The following MRPL21 variants were observed in gnomAD, a reference collection of about 807,000 sequenced individuals.
MRPL21 encodes the protein mitochondrial ribosomal protein L21, also known as large ribosomal subunit protein bL21m.
In MRPL21, 20 loss-of-function variants were observed where a neutral mutation model predicts 27.3. The ratio of observed to expected loss-of-function variants is 0.73; its 90% CI spans 0.52 to 1.06. MRPL21 has a LOEUF of 1.06. Among genes scored for constraint, MRPL21 ranks in the 50% least tolerant of loss-of-function variants. The pLI is 0.00. For synonymous variants in MRPL21, 98 were observed against 101.5 expected (o/e 0.97, Z 0.21); for missense variants, 249 against 251.4 (o/e 0.99, Z 0.06).
At chr11:68,892,815 C>G in intron 6 of MRPL21, 75 bp downstream of exon 6, 1 of 1,568,262 alleles carries the variant, frequency 6.4e-7, no homozygotes, top group Non-Finnish European at 8.7e-7. Flanking sequence ...CCCACGTGCC[C>G]CACACCCTCC....
intron 1 of MRPL21, 134 bp downstream of exon 1, chr11:68,903,589 A>C: frequency 1.1e-6 from 1 of 908,480 alleles, no homozygotes; most frequent in Non-Finnish European, 1.7e-6. Context: ...CCCGACTCCA[A>C]AACCCGTGCT....
rs565508127 is a variant in MRPL21 at position 68,891,325 on chromosome 11, C to T, written c.*6G>A. 3.1e-5 allele frequency: 50 copies of T among 1,613,578 alleles called. No homozygotes were observed. In the Admixed American group the frequency reaches 5.3e-4, roughly 17 times the overall value. ...TTTTATCCTTTTGTAAGTATTAACT[C>T]GGTAATCACAACAAACACGGAGCAA... On this transcript the variant is annotated 3_prime_UTR_variant, in exon 7 of 7. Coordinates refer to ENST00000362034, the MANE Select transcript of MRPL21 (RefSeq NM_181514.2).
At chr11:68,899,802 C>T (rs1857889831) in intron 2 of MRPL21, among the ~76,000 whole-genome samples, 1 of 152,232 alleles carries the variant, frequency 6.6e-6, no homozygotes, top group African/African-American at 2.4e-5. Context: ...TCCCTGGAGT[C>T]CCAGCAGCAG....
chr11:68,891,404 A>T lies in MRPL21; in HGVS notation c.554-9T>A. On this transcript the variant is annotated splice_polypyrimidine_tract_variant and intron_variant, in intron 6 of 6. Coordinates refer to ENST00000362034, the MANE Select transcript of MRPL21 (RefSeq NM_181514.2). ...CTGCGGGGTCGTGACGACTGAAAGA[A>T]AGGATGTCACAGGCTTGACCACAGA... 1 of 1,613,918 alleles carries T rather than the reference A, an allele frequency of 6.2e-7. No homozygotes were observed. Among genetic ancestry groups the T allele is most frequent in the Non-Finnish European group, 8.5e-7 (1 of 1,179,936 alleles).
At chr11:68,898,448 C>A (rs1241378814) in intron 2 of MRPL21, among the ~76,000 whole-genome samples, 1 of 152,242 alleles carries the variant, frequency 6.6e-6, no homozygotes, top group Non-Finnish European at 1.5e-5. Flanking sequence ...TCCAATGACC[C>A]TTCACCACAT....
At chr11:68,901,212 G>A (rs953853117) in intron 1 of MRPL21, among the ~76,000 whole-genome samples, 7 of 152,210 alleles carry the variant, frequency 4.6e-5, no homozygotes, top group East Asian at 1.9e-4. Context: ...AGCCGCTGGC[G>A]CAGTGGAGTC....
In MRPL21 at chr11:68,892,962, T is replaced by C. The variant is rs1360218197; in HGVS notation, c.481A>G (p.Ile161Val). 1 of 1,610,172 alleles carries C rather than the reference T, an allele frequency of 6.2e-7. No individual in the cohort carries two copies. The highest frequency in any genetic ancestry group is 8.5e-7 in the Non-Finnish European group (1 of 1,178,116). ...KDLVRVEATV[I>V]EKTESWPRII... ...CTTGGCCATGATTCTGTCTTTTCAA[T>C]GACTGTGGCTTCTACTCGAACAAGA... The change falls in exon 6 of 7, where the codon ATT (isoleucine) becomes GTT (valine). Residue 161 changes from isoleucine (I) to valine (V), a missense_variant. Transcript: ENST00000362034.
Position 68,896,637 on chromosome 11 carries a change from A to G in MRPL21, c.274T>C (p.Tyr92His). 1 of 1,614,114 alleles carries G rather than the reference A, an allele frequency of 6.2e-7. No individual in the cohort carries two copies. The highest frequency in any genetic ancestry group is 1.1e-5 in the South Asian group (1 of 91,066). Reference sequence around the variant, plus strand: ...TGCACCACGGCAAAGAGCCTGCCATACTGCCCCGTGACGATCATCTCATTC... The same window carrying G: ...TGCACCACGGCAAAGAGCCTGCCATGCTGCCCCGTGACGATCATCTCATTC... ...KVNEMIVTGQ[Y>H]GRLFAVVHFA... Residue 92 changes from tyrosine (Y) to histidine (H), a missense_variant, in exon 4 of 7, where the codon TAT becomes CAT. Transcript: ENST00000362034.
Position 68,900,612 on chromosome 11 carries a change from G to T in MRPL21, c.89-7C>A. The T allele has an allele frequency of 6.2e-7, 1 of 1,611,354 alleles. No individual in the cohort carries two copies. Among genetic ancestry groups the T allele is most frequent in the Non-Finnish European group, 8.5e-7 (1 of 1,177,528 alleles). On this transcript the variant is annotated splice_polypyrimidine_tract_variant and splice_region_variant and intron_variant, in intron 1 of 6. Transcript: ENST00000362034. ...GAAGCAGACCAAAGGGAGGCTGAGG[G>T]AAGAAGAGAAACACAGATCATTACC... is the stretch of plus-strand genomic sequence containing the variant.
intron 3 of MRPL21, among the ~76,000 whole-genome samples, chr11:68,897,328 G>C (rs1177931681): frequency 6.6e-6 from 1 of 152,194 alleles, no homozygotes; most frequent in Non-Finnish European, 1.5e-5. Context: ...ACACAGAAGG[G>C]ACGACAGAGT....
At chr11:68,903,495 AC>A (rs1405279146) in intron 1 of MRPL21, among the ~76,000 whole-genome samples, 1 of 152,146 alleles carries the variant, frequency 6.6e-6, no homozygotes, top group African/African-American at 2.4e-5. Flanking sequence ...CTCCCCCATA[AC>A]ATAGGGCCTA....
intron 5 of MRPL21, 139 bp downstream of exon 5, chr11:68,893,264 T>C (rs2154005481): frequency 6.7e-7 from 1 of 1,485,646 alleles, no homozygotes; most frequent in Non-Finnish European, 9.0e-7. Flanking sequence ...ATGTCCACTA[T>C]TATTAAGTAT....
intron 3 of MRPL21, chr11:68,897,707 CT>C (rs1196227269): frequency 1.8e-6 from 1 of 567,172 alleles, no homozygotes; most frequent in Non-Finnish European, 3.1e-6. Context: ...ATTATGCCAC[CT>C]GCCTGCAGTG....
At chr11:68,902,353 C>T (rs1465122853) in intron 1 of MRPL21, among the ~76,000 whole-genome samples, 9 of 152,224 alleles carry the variant, frequency 5.9e-5, no homozygotes, top group Non-Finnish European at 8.8e-5. Flanking sequence ...AAATGTCAAG[C>T]ATACAAAAGT....
At position 68,903,791 on chromosome 11, in the gene MRPL21, G is replaced by C. The variant is rs553560241; in HGVS notation, c.20C>G (p.Thr7Arg). MAASSL[T>R]VTLGRLASAC... Reference sequence around the variant, plus strand: ...GGACGCCAGCCGCCCTAAGGTGACCGTCAGGGAAGATGCTGCCATGGCCGC... The same window carrying C: ...GGACGCCAGCCGCCCTAAGGTGACCCTCAGGGAAGATGCTGCCATGGCCGC... The change falls in exon 1 of 7, where the codon ACG becomes AGG. Residue 7 changes from threonine (T) to arginine (R), a missense_variant. Coordinates refer to ENST00000362034, the MANE Select transcript of MRPL21 (RefSeq NM_181514.2). 6.4e-7 allele frequency: 1 copy of C among 1,570,372 alleles called. No homozygotes were observed. The highest frequency in any genetic ancestry group is 2.2e-5 in the East Asian group (1 of 44,514).
In MRPL21 at chr11:68,892,894, TTTC is replaced by T; in HGVS notation, c.546_548del (p.Lys183del). 6.2e-7 allele frequency: 1 copy of T among 1,611,910 alleles called. No homozygotes were observed. The highest frequency in any genetic ancestry group is 1.3e-5 in the African/African-American group (1 of 75,044). The stretch of plus-strand genomic sequence containing the variant: ...GCGGTACTTTCTCTAACTTACTTCT[TTTC>T]TTCTTGAAGTTTTTCCTTTTCCTGA... On this transcript the variant is annotated inframe_deletion, in exon 6 of 7. Coordinates refer to ENST00000362034, the MANE Select transcript of MRPL21 (RefSeq NM_181514.2).
At chr11:68,891,486 G>T in intron 6 of MRPL21, 91 bp from the exon 7 acceptor site, 1 of 1,299,428 alleles carries the variant, frequency 7.7e-7, no homozygotes, top group Non-Finnish European at 1.1e-6. Context: ...TCCCCAGCCA[G>T]CGCGACCCCG....
chr11:68,898,083 C>A, intron 2 of MRPL21, 71 bp from the exon 3 acceptor site: 1 of 1,248,170 alleles, frequency 8.0e-7, no homozygotes, highest in Non-Finnish European at 1.2e-6. Flanking sequence ...TAAGAAATGG[C>A]CACACACAAA....
intron 4 of MRPL21, 149 bp downstream of exon 4, chr11:68,896,365 GC>G: frequency 1.0e-6 from 1 of 991,708 alleles, no homozygotes; most frequent in Non-Finnish European, 1.5e-6. Context: ...CGCCGTGGGC[GC>G]CCCCCAAAGT....
Sources: allele counts gnomAD v4.1 joint callset (sites outside exome capture counted in the v4.1 genomes callset), GRCh38; gene constraint gnomAD v4.1.1; transcripts MANE v1.5; gene names NCBI Gene and HGNC (gene_info 2026-07-23, HGNC 2026-07-21).